SEMA5A: variants seen among roughly 807,000 people sequenced by gnomAD.
The protein encoded by SEMA5A is semaphorin 5A.
A neutral mutation model predicts 135.5 loss-of-function variants in SEMA5A; 55 were observed. That is an observed-to-expected ratio of 0.41 (90% confidence interval 0.33 to 0.51). The LOEUF (loss-of-function observed/expected upper bound fraction) is 0.51. Ranked by LOEUF, SEMA5A falls within the 20% of genes least tolerant of loss-of-function variation. The pLI, the probability that SEMA5A is intolerant of heterozygous loss-of-function variation, is 0.37. For missense variants in SEMA5A, 1,290 were observed against 1,419.9 expected, an observed-to-expected ratio of 0.91 and a Z score of 1.47; for synonymous variants, 580 against 546.5, an observed-to-expected ratio of 1.06 and a Z score of -0.85.
intron 18 of SEMA5A, among the ~76,000 whole-genome samples, chr5:9,059,070 T>C (rs1001675027): frequency 1.3e-5 from 2 of 152,194 alleles, no homozygotes; most frequent in Non-Finnish European, 2.9e-5. Context: ...CCTTCCCCCA[T>C]AGAATTATTG....
At chr5:9,297,087 T>C (rs1305761131) in intron 5 of SEMA5A, among the ~76,000 whole-genome samples, 1 of 151,836 alleles carries the variant, frequency 6.6e-6, no homozygotes, top group East Asian at 1.9e-4. Flanking sequence ...GAAAACAGTA[T>C]TGGATGGTGG....
At chr5:9,415,987 T>A (rs1314299841) in intron 2 of SEMA5A, among the ~76,000 whole-genome samples, 1 of 152,210 alleles carries the variant, frequency 6.6e-6, no homozygotes, top group Non-Finnish European at 1.5e-5. Context: ...AGCTTTAAAG[T>A]CGCACTCACT....
chr5:9,245,337 AT>A (rs1359224520), intron 5 of SEMA5A, among the ~76,000 whole-genome samples: 4 of 152,150 alleles, frequency 2.6e-5, no homozygotes, highest in Non-Finnish European at 5.9e-5. Flanking sequence ...AGGTTCAGGC[AT>A]TCCCTGGGGG....
At chr5:9,319,315 G>A (rs1752524964) in intron 4 of SEMA5A, among the ~76,000 whole-genome samples, 1 of 152,120 alleles carries the variant, frequency 6.6e-6, no homozygotes, top group Admixed American at 6.5e-5. Flanking sequence ...AAAGGAAACT[G>A]ATGACATCAA....
intron 5 of SEMA5A, among the ~76,000 whole-genome samples, chr5:9,278,105 T>C (rs887169348): frequency 2.2e-5 from 3 of 133,958 alleles, no homozygotes; most frequent in Non-Finnish European, 5.0e-5. Flanking sequence ...ATTAAAGTCA[T>C]GTAAACTTAA....
chr5:9,329,181 A>T (rs1753005556), intron 4 of SEMA5A, among the ~76,000 whole-genome samples: 1 of 152,120 alleles, frequency 6.6e-6, no homozygotes, highest in Non-Finnish European at 1.5e-5. Context: ...TGGTGTTTTC[A>T]GGACCCTTTA....
rs78006841 is a variant in SEMA5A, at chr5:9,256,655, C to G, written c.271-18765G>C. ...AATATCTCCTCCAACTATAATAACA[C>G]TGTAAGAGAAGTCCTTCCCTTGGTT... On this transcript the variant is annotated intron_variant, in intron 5 of 22. Coordinates refer to ENST00000382496, the MANE Select transcript of SEMA5A (RefSeq NM_003966.3). Among the ~76,000 whole-genome samples, 452 of 152,308 alleles carry G rather than the reference C, an allele frequency of 3.0e-3. 7 individuals are homozygous for G. Among genetic ancestry groups the G allele is most frequent in the African/African-American group, 0.01 (432 of 41,562 alleles).
At position 9,533,741 on chromosome 5, in the gene SEMA5A, C is replaced by T. The variant is rs150492089; in HGVS notation, c.-175+11843G>A. On this transcript the variant is annotated intron_variant, in intron 1 of 22. Transcript: ENST00000382496. ...TATGTCTTTATACAAATTCCTTTAGCTTTCTACCAATTCTGAGAAGTCTAA... is the reference window on the plus strand; with the variant it reads ...TATGTCTTTATACAAATTCCTTTAGTTTTCTACCAATTCTGAGAAGTCTAA... 7.4e-3 allele frequency among the ~76,000 whole-genome samples: 1,129 copies of T among 152,292 alleles called. 10 individuals carry two copies. Among genetic ancestry groups the T allele is most frequent in the Non-Finnish European group, 9.3e-3 (635 of 68,026 alleles).
chr5:9,448,939 G>A (rs889769865), intron 1 of SEMA5A, among the ~76,000 whole-genome samples: 1 of 152,216 alleles, frequency 6.6e-6, no homozygotes, highest in Non-Finnish European at 1.5e-5. Flanking sequence ...CTAAGTAAAT[G>A]AGCATATTCA....
At chr5:9,525,050 AC>A (rs1737052636) in intron 1 of SEMA5A, among the ~76,000 whole-genome samples, 1 of 152,186 alleles carries the variant, frequency 6.6e-6, no homozygotes, top group Non-Finnish European at 1.5e-5. Context: ...CCAATAGTTG[AC>A]CTTTCTTGAA....
chr5:9,490,311 A>G (rs1734939083), intron 1 of SEMA5A, among the ~76,000 whole-genome samples: 1 of 152,180 alleles, frequency 6.6e-6, no homozygotes, highest in African/African-American at 2.4e-5. Context: ...TTAAACTGAC[A>G]CAAGCTTTGT....
At chr5:9,092,945 T>G (rs1037650683) in intron 16 of SEMA5A, among the ~76,000 whole-genome samples, 4 of 152,356 alleles carry the variant, frequency 2.6e-5, no homozygotes. Flanking sequence ...TGTCCCTGAT[T>G]GTAAAATCAT....
intron 1 of SEMA5A, among the ~76,000 whole-genome samples, chr5:9,543,519 G>C (rs1278918567): frequency 1.3e-5 from 2 of 152,146 alleles, no homozygotes; most frequent in Admixed American, 6.6e-5. Flanking sequence ...AGCTTTACTC[G>C]CAGCAGGGAT....
intron 6 of SEMA5A, among the ~76,000 whole-genome samples, chr5:9,230,210 G>C (rs1425254830): frequency 1.4e-5 from 2 of 137,980 alleles, no homozygotes; most frequent in African/African-American, 5.5e-5. Flanking sequence ...ATGTTGCCCA[G>C]GCTGGTCTCG....
intron 3 of SEMA5A, among the ~76,000 whole-genome samples, chr5:9,345,361 A>G (rs749560384): frequency 1.3e-5 from 2 of 152,090 alleles, no homozygotes; most frequent in Non-Finnish European, 2.9e-5. Flanking sequence ...CCTGTCCACC[A>G]CCTGCCCTGG....
chr5:9,310,862 A>C (rs1280383620), intron 5 of SEMA5A, among the ~76,000 whole-genome samples: 1 of 149,606 alleles, frequency 6.7e-6, no homozygotes, highest in Non-Finnish European at 1.5e-5. Flanking sequence ...CAATATATAT[A>C]TTGCATATAT....
intron 11 of SEMA5A, among the ~76,000 whole-genome samples, chr5:9,183,208 A>T (rs936934605): frequency 6.6e-6 from 1 of 152,148 alleles, no homozygotes; most frequent in African/African-American, 2.4e-5. Context: ...CTCTTCCTTT[A>T]TGATGAAACA....
chr5:9,264,910 G>C (rs2150524943), intron 5 of SEMA5A, among the ~76,000 whole-genome samples: 1 of 152,216 alleles, frequency 6.6e-6, no homozygotes, highest in East Asian at 1.9e-4. Context: ...GGGTGCAGTG[G>C]GGAAGAATCA....
At chr5:9,414,653 G>A (rs1310871795) in intron 2 of SEMA5A, among the ~76,000 whole-genome samples, 2 of 152,164 alleles carry the variant, frequency 1.3e-5, no homozygotes, top group Non-Finnish European at 2.9e-5. Flanking sequence ...GAACCTACCA[G>A]ATCTATTCAT....
Sources: allele counts gnomAD v4.1 joint callset (sites outside exome capture counted in the v4.1 genomes callset), GRCh38; gene constraint gnomAD v4.1.1; transcripts MANE v1.5; gene names NCBI Gene and HGNC (gene_info 2026-07-23, HGNC 2026-07-21).